Variants in XKR9 observed in about 807,000 individuals in gnomAD.
The protein encoded by XKR9 is XK-related protein 9.
XKR9 carries 32 observed loss-of-function variants against 32.0 expected under a neutral mutation model. The ratio of observed to expected loss-of-function variants is 1.00; its 90% CI spans 0.76 to 1.34. The LOEUF is 1.34. Among genes scored for constraint, XKR9 ranks in the 40% most tolerant of loss-of-function variants. The pLI, the probability that XKR9 is intolerant of heterozygous loss-of-function variation, is 0.00. For synonymous variants in XKR9, 168 were observed against 143.4 expected (o/e 1.17, Z -1.22); for missense variants, 546 against 429.7 (o/e 1.27, Z -2.39).
At chr8:70,797,785 A>C in the XKR9 span, among the ~76,000 whole-genome samples, 1 of 152,128 alleles carries the variant, frequency 6.6e-6, no homozygotes, top group Non-Finnish European at 1.5e-5. Flanking sequence ...GCTCTCACTT[A>C]TAAGTGAGAA....
At chr8:70,687,316 T>G (rs762152445) in intron 3 of XKR9, among the ~76,000 whole-genome samples, 1 of 85,088 alleles carries the variant, frequency 1.2e-5, no homozygotes, top group Non-Finnish European at 2.5e-5. Context: ...TCCTCCCTCT[T>G]TCTTTCTTTC....
chr8:70,861,859 G>A, the XKR9 span, among the ~76,000 whole-genome samples: 1 of 152,218 alleles, frequency 6.6e-6, no homozygotes, highest in East Asian at 1.9e-4. Flanking sequence ...TGGCTTAGAT[G>A]TTCTTTTCCT....
chr8:70,723,180 T>C (rs1032008398), intron 4 of XKR9, among the ~76,000 whole-genome samples: 2 of 152,132 alleles, frequency 1.3e-5, no homozygotes, highest in Non-Finnish European at 2.9e-5. Flanking sequence ...AACTGATTAT[T>C]CTAGTTAGCA....
chr8:70,734,150 C>A lies in XKR9; in HGVS notation c.848C>A (p.Thr283Asn), dbSNP rs1231910441. The change falls in exon 5 of 5, where the codon ACC becomes AAC. Residue 283 changes from threonine (T) to asparagine (N), a missense_variant. By Grantham distance (65) the Thr-to-Asn change is moderately conservative. Transcript: ENST00000408926. ...FTFFNIKGQN[T>N]KCPMSCYYIV... ...TTTTTTAATATTAAGGGACAGAATACCAAGTGTCCAATGTCTTGTTATTAT... is the reference window on the plus strand; with the variant it reads ...TTTTTTAATATTAAGGGACAGAATAACAAGTGTCCAATGTCTTGTTATTAT... 6.2e-7 allele frequency: 1 copy of A among 1,612,054 alleles called. No individual in the cohort carries two copies. The highest frequency in any genetic ancestry group is 8.5e-7 in the Non-Finnish European group (1 of 1,178,488).
the XKR9 span, among the ~76,000 whole-genome samples, chr8:70,796,221 C>A: frequency 6.6e-6 from 1 of 152,102 alleles, no homozygotes; most frequent in Non-Finnish European, 1.5e-5. Context: ...TGTCCCTCCA[C>A]CTTCTACTAG....
intron 3 of XKR9, among the ~76,000 whole-genome samples, chr8:70,702,251 G>A (rs553034263): frequency 4.6e-5 from 7 of 151,944 alleles, no homozygotes; most frequent in African/African-American, 1.7e-4. Context: ...AAAATATGTT[G>A]GTTATTGATT....
the XKR9 span, among the ~76,000 whole-genome samples, chr8:71,058,682 A>G: frequency 6.6e-6 from 1 of 152,338 alleles, no homozygotes; most frequent in African/African-American, 2.4e-5. Flanking sequence ...CCCTAATCCA[A>G]TTCTATCAAA....
the XKR9 span, among the ~76,000 whole-genome samples, chr8:71,011,990 C>T: frequency 3.9e-5 from 6 of 151,950 alleles, no homozygotes; most frequent in Non-Finnish European, 8.8e-5. Flanking sequence ...GGTATCCCAC[C>T]CTACCATGTT....
chr8:70,890,251 A>G, the XKR9 span, among the ~76,000 whole-genome samples: 2 of 151,906 alleles, frequency 1.3e-5, no homozygotes, highest in Non-Finnish European at 2.9e-5. Flanking sequence ...GCCATTTGTA[A>G]ACAATTGACA....
chr8:70,822,903 G>A, the XKR9 span, among the ~76,000 whole-genome samples: 4 of 152,142 alleles, frequency 2.6e-5, no homozygotes, highest in East Asian at 5.8e-4. Flanking sequence ...ACACATAAGG[G>A]TTCTTATAAA....
At chr8:70,951,874 G>C in the XKR9 span, among the ~76,000 whole-genome samples, 1 of 91,458 alleles carries the variant, frequency 1.1e-5, no homozygotes, top group Admixed American at 1.3e-4. Flanking sequence ...CATTGGGGGG[G>C]GGGTGGTTCT....
the XKR9 span, among the ~76,000 whole-genome samples, chr8:71,042,891 A>C: frequency 6.6e-6 from 1 of 152,134 alleles, no homozygotes; most frequent in Non-Finnish European, 1.5e-5. Flanking sequence ...TGGTCACCAC[A>C]CTGATTAAAT....
At chr8:71,015,826 A>G in the XKR9 span, among the ~76,000 whole-genome samples, 2 of 152,178 alleles carry the variant, frequency 1.3e-5, no homozygotes, top group African/African-American at 2.4e-5. Context: ...AATGTTAAAT[A>G]TTCTTTGTAG....
the XKR9 span, among the ~76,000 whole-genome samples, chr8:70,914,808 T>C: frequency 6.6e-6 from 1 of 152,220 alleles, no homozygotes. Context: ...CCTAAAGTCA[T>C]GAAGATAGAT....
At chr8:70,878,973 A>G in the XKR9 span, among the ~76,000 whole-genome samples, 1 of 152,222 alleles carries the variant, frequency 6.6e-6, no homozygotes, top group Non-Finnish European at 1.5e-5. Context: ...CCACAGTACA[A>G]TCAAACTAGA....
the XKR9 span, among the ~76,000 whole-genome samples, chr8:70,811,713 C>T: frequency 4.4e-4 from 67 of 152,320 alleles, no homozygotes; most frequent in African/African-American, 1.5e-3. Context: ...AATTCCTCAA[C>T]ACATACACAC....
the XKR9 span, among the ~76,000 whole-genome samples, chr8:70,988,961 G>C: frequency 6.6e-6 from 1 of 152,140 alleles, no homozygotes; most frequent in Non-Finnish European, 1.5e-5. Context: ...ATACCCTCAA[G>C]GTTCATCCAT....
chr8:70,827,527 A>T, the XKR9 span, among the ~76,000 whole-genome samples: 1 of 152,318 alleles, frequency 6.6e-6, no homozygotes, highest in Middle Eastern at 3.4e-3. Flanking sequence ...TGTTGAAAAA[A>T]ATCTGTTAAC....
chr8:70,716,325 A>T (rs1437432664), intron 4 of XKR9, among the ~76,000 whole-genome samples: 2 of 152,178 alleles, frequency 1.3e-5, no homozygotes, highest in East Asian at 3.8e-4. Flanking sequence ...TTATGTAGTT[A>T]TAATAAGGTG....
Sources: gnomAD v4.1 joint callset for allele counts (sites outside exome capture counted in the v4.1 genomes callset) on GRCh38, gnomAD v4.1.1 for gene constraint, MANE v1.5 for transcripts, NCBI Gene and HGNC (gene_info 2026-07-23, HGNC 2026-07-21) for gene names.